MACROD2: variants seen among roughly 807,000 people sequenced by gnomAD.
The protein encoded by MACROD2 is mono-ADP ribosylhydrolase 2.
A neutral mutation model predicts 70.4 loss-of-function variants in MACROD2; 36 were observed. The observed-to-expected ratio is 0.51, with a 90% CI of 0.39 to 0.68. MACROD2 has a LOEUF of 0.68. Ranked by LOEUF, MACROD2 falls within the 30% of genes least tolerant of loss-of-function variation. MACROD2 has a pLI of 0.00. For synonymous variants in MACROD2, 172 were observed against 178.8 expected (o/e 0.96, Z 0.30); for missense variants, 496 against 538.4 (o/e 0.92, Z 0.78).
intron 5 of MACROD2, among the ~76,000 whole-genome samples, chr20:14,687,256 A>C (rs768845261): frequency 6.6e-6 from 1 of 152,164 alleles, no homozygotes; most frequent in Non-Finnish European, 1.5e-5. Context: ...ATACAAATCA[A>C]ATTTCTCCAA....
chr20:14,353,366 G>T (rs1601521091), intron 3 of MACROD2, among the ~76,000 whole-genome samples: 1 of 152,062 alleles, frequency 6.6e-6, no homozygotes, highest in South Asian at 2.1e-4. Context: ...GTATTTAGTT[G>T]TCTCCTGTGC....
intron 5 of MACROD2, among the ~76,000 whole-genome samples, chr20:15,205,063 C>T (rs1025235908): frequency 6.6e-6 from 1 of 152,110 alleles, no homozygotes; most frequent in Non-Finnish European, 1.5e-5. Context: ...GGGACTTACA[C>T]CCTGTGTCAA....
intron 8 of MACROD2, among the ~76,000 whole-genome samples, chr20:15,798,952 A>T (rs1412411681): frequency 1.3e-5 from 2 of 152,214 alleles, no homozygotes; most frequent in Admixed American, 1.3e-4. Flanking sequence ...TAGAATGAAA[A>T]CAAATGAACA....
At chr20:14,502,420 T>C (rs1298715930) in intron 4 of MACROD2, among the ~76,000 whole-genome samples, 1 of 152,190 alleles carries the variant, frequency 6.6e-6, no homozygotes, top group African/African-American at 2.4e-5. Flanking sequence ...TCGGGTTACA[T>C]GATCCCTTAT....
intron 10 of MACROD2, among the ~76,000 whole-genome samples, chr20:15,895,494 G>T (rs570774606): frequency 6.6e-6 from 1 of 152,352 alleles, no homozygotes; most frequent in Admixed American, 6.5e-5. Flanking sequence ...AGGCAGCGGT[G>T]GATGATTCCA....
At chr20:15,271,611 A>T (rs2077347195) in intron 6 of MACROD2, among the ~76,000 whole-genome samples, 1 of 152,208 alleles carries the variant, frequency 6.6e-6, no homozygotes, top group East Asian at 1.9e-4. Flanking sequence ...TTTTCCTGAC[A>T]TGTAGTATGG....
intron 8 of MACROD2, among the ~76,000 whole-genome samples, chr20:15,656,254 G>A (rs1281183143): frequency 1.3e-5 from 2 of 152,156 alleles, no homozygotes; most frequent in Non-Finnish European, 2.9e-5. Context: ...TGATAACAGG[G>A]CTAACTAGTT....
chr20:15,394,935 G>A (rs1178112344), intron 6 of MACROD2, among the ~76,000 whole-genome samples: 1 of 152,150 alleles, frequency 6.6e-6, no homozygotes, highest in Non-Finnish European at 1.5e-5. Flanking sequence ...AGGACATAGG[G>A]CTCAAGTAGA....
At chr20:14,506,298 G>A (rs1029323678) in intron 4 of MACROD2, among the ~76,000 whole-genome samples, 1 of 152,134 alleles carries the variant, frequency 6.6e-6, no homozygotes, top group Non-Finnish European at 1.5e-5. Context: ...GTACACATTT[G>A]CATAGGAGCC....
At chr20:16,020,408 T>A (rs1249955705) in intron 15 of MACROD2, among the ~76,000 whole-genome samples, 2 of 151,902 alleles carry the variant, frequency 1.3e-5, no homozygotes, top group Admixed American at 6.6e-5. Context: ...CTACCTCCCC[T>A]CCACCCAAGA....
In MACROD2 at chr20:15,014,860, A is replaced by G. The variant is rs113090058; in HGVS notation, c.419-215080A>G. Among the ~76,000 whole-genome samples the G allele has an allele frequency of 3.0e-3, 463 of 152,312 alleles. 4 individuals are homozygous for G. The highest frequency in any genetic ancestry group is 0.011 in the African/African-American group (439 of 41,556). ...TAAATTCATATATTTTATAAAATAT[A>G]TGATATTGATGTTGTCCATAAGCTT... is the stretch of plus-strand genomic sequence containing the variant. On this transcript the variant is annotated intron_variant, in intron 5 of 17. Coordinates refer to ENST00000684519, the MANE Select transcript of MACROD2 (RefSeq NM_001351661.2).
chr20:14,146,966 G>A (rs563390967), intron 3 of MACROD2, among the ~76,000 whole-genome samples: 155 of 152,272 alleles, frequency 1.0e-3, no homozygotes, highest in African/African-American at 3.2e-3. Flanking sequence ...TATATAGTAA[G>A]TTCCCTAGGT....
chr20:15,808,182 C>T (rs1281882255), intron 8 of MACROD2, among the ~76,000 whole-genome samples: 1 of 152,176 alleles, frequency 6.6e-6, no homozygotes, highest in African/African-American at 2.4e-5. Flanking sequence ...CTTGCCGATG[C>T]TCCCGGCCGA....
At chr20:15,097,407 T>G (rs902589300) in intron 5 of MACROD2, among the ~76,000 whole-genome samples, 1 of 152,198 alleles carries the variant, frequency 6.6e-6, no homozygotes, top group Admixed American at 6.5e-5. Context: ...AACATTTATC[T>G]TGGTGTATAG....
chr20:14,900,542 C>T (rs185133670), intron 5 of MACROD2, among the ~76,000 whole-genome samples: 8 of 149,994 alleles, frequency 5.3e-5, no homozygotes, highest in Non-Finnish European at 1.0e-4. Flanking sequence ...CAGTAGTTTG[C>T]GTCTTTCTGA....
intron 7 of MACROD2, among the ~76,000 whole-genome samples, chr20:15,483,104 G>A (rs868750858): frequency 9.2e-5 from 14 of 152,048 alleles, no homozygotes; most frequent in Non-Finnish European, 1.3e-4. Context: ...CATAAAGCAT[G>A]TATTTGGTGT....
chr20:15,841,817 A>G (rs2064173647), intron 8 of MACROD2, among the ~76,000 whole-genome samples: 1 of 151,994 alleles, frequency 6.6e-6, no homozygotes, highest in African/African-American at 2.4e-5. Context: ...ATTAAGGGAG[A>G]GGTAGTTTGT....
chr20:15,612,028 T>A (rs1391490403), intron 8 of MACROD2, among the ~76,000 whole-genome samples: 1 of 151,690 alleles, frequency 6.6e-6, no homozygotes, highest in Non-Finnish European at 1.5e-5. Context: ...CACAGGGAGC[T>A]AACATAATGG....
At chr20:14,267,339 G>A (rs142474901) in intron 3 of MACROD2, among the ~76,000 whole-genome samples, 249 of 152,058 alleles carry the variant, frequency 1.6e-3, no homozygotes, top group Middle Eastern at 6.8e-3. Flanking sequence ...TTAATATGAG[G>A]GCTAGAATAT....
Sources: gnomAD v4.1 joint callset for allele counts (sites outside exome capture counted in the v4.1 genomes callset) on GRCh38, gnomAD v4.1.1 for gene constraint, MANE v1.5 for transcripts, NCBI Gene and HGNC (gene_info 2026-07-23, HGNC 2026-07-21) for gene names.